The following KIAA2012 variants were observed in gnomAD, a reference collection of about 807,000 sequenced individuals.
KIAA2012 encodes KIAA2012.
Under a neutral mutation model 150.6 loss-of-function variants are expected in KIAA2012, and 125 were observed. The ratio of observed to expected loss-of-function variants is 0.83; its 90% CI spans 0.72 to 0.96. The LOEUF is 0.96. Among genes scored for constraint, KIAA2012 ranks in the 40% least tolerant of loss-of-function variants. KIAA2012 has a pLI of 0.00. For synonymous variants in KIAA2012, 462 were observed against 504.7 expected (o/e 0.92, Z 1.13); for missense variants, 1,219 against 1,354.9 (o/e 0.90, Z 1.57).
At chr2:202,179,824 T>TA (rs1692081144) in intron 15 of KIAA2012, 62 of 620,130 alleles carry the variant, frequency 1.0e-4, no homozygotes, top group South Asian at 7.9e-4. Flanking sequence ...TGAGAAAAGA[T>TA]AAAATGAAGA....
intron 11 of KIAA2012, among the ~76,000 whole-genome samples, chr2:202,121,595 C>T (rs1027333300): frequency 1.3e-5 from 2 of 152,104 alleles, no homozygotes; most frequent in Admixed American, 6.5e-5. Context: ...TCCCTTATCC[C>T]AACGATCCTA....
At chr2:202,087,658 T>C (rs1162096130) in intron 2 of KIAA2012, among the ~76,000 whole-genome samples, 1 of 152,024 alleles carries the variant, frequency 6.6e-6, no homozygotes, top group Non-Finnish European at 1.5e-5. Context: ...TCAAGCGCTA[T>C]CTTTTCCTTC....
chr2:202,097,409 A>G (rs1040088404), intron 4 of KIAA2012, 26 bp from the exon 5 acceptor site: 12 of 1,549,706 alleles, frequency 7.7e-6, no homozygotes, highest in Non-Finnish European at 7.8e-6. Context: ...CAGGGTGACA[A>G]GCTGACCCAT....
chr2:202,154,909 C>T, intron 14 of KIAA2012, 99 bp downstream of exon 14: 1 of 1,315,144 alleles, frequency 7.6e-7, no homozygotes, highest in Non-Finnish European at 1.0e-6. Flanking sequence ...TCAGAAGTCC[C>T]TCAGAGCTCC....
chr2:202,125,267 C>A lies in KIAA2012; in HGVS notation c.1816C>A (p.Gln606Lys). The change falls in exon 12 of 24, where the codon CAG becomes AAG. Residue 606 changes from glutamine to lysine, a missense_variant. Transcript: ENST00000498697. ...ISHEEEGPSS[Q>K]HFLKANTEPR... is the part of the protein sequence containing the mutation. ...CCATGAAGAGGAAGGGCCTAGTAGT[C>A]AGCATTTCCTAAAAGGTAAGCTTTT... is the stretch of plus-strand genomic sequence containing the variant. The A allele has an allele frequency of 6.5e-7, 1 of 1,550,040 alleles. No homozygotes were observed.
At chr2:202,110,735 G>A (rs1690325549) in intron 10 of KIAA2012, among the ~76,000 whole-genome samples, 1 of 152,096 alleles carries the variant, frequency 6.6e-6, no homozygotes, top group African/African-American at 2.4e-5. Context: ...GCTCACTCAG[G>A]GACAGAATGC....
Position 202,125,069 on chromosome 2 carries a change from C to G in KIAA2012, c.1763-145C>G, listed in dbSNP as rs543802539. On this transcript the variant is annotated intron_variant, in intron 11 of 23. Transcript: ENST00000498697. The stretch of plus-strand genomic sequence containing the variant: ...TGGGCAGCAGAAAGAGACTCCATCT[C>G]AAAAATTTAAAAAAAAGAAACAGTT... The G allele has an allele frequency of 1.5e-4, 99 of 676,730 alleles. 2 individuals carry two copies. The South Asian group carries it at 1.9e-3, about 13-fold the overall frequency. 41.9% of individuals were successfully genotyped at this position (676,730 alleles called of 1,614,324 possible).
chr2:202,154,552 C>T (rs1171319851), intron 13 of KIAA2012, 121 bp from the exon 14 acceptor site: 9 of 842,284 alleles, frequency 1.1e-5, no homozygotes, highest in East Asian at 2.7e-5. Flanking sequence ...ATAGTTGCTG[C>T]GTATTATTGT....
At chr2:202,088,291 G>A (rs954670847) in intron 2 of KIAA2012, among the ~76,000 whole-genome samples, 15 of 152,188 alleles carry the variant, frequency 9.9e-5, no homozygotes, top group Non-Finnish European at 1.5e-4. Flanking sequence ...GGGAATAAGT[G>A]TTGGGCAGTT....
intron 5 of KIAA2012, among the ~76,000 whole-genome samples, chr2:202,098,480 T>C (rs747444848): frequency 6.6e-6 from 1 of 152,254 alleles, no homozygotes; most frequent in Non-Finnish European, 1.5e-5. Flanking sequence ...TTCTATAACA[T>C]AGTCACCAGC....
Position 202,194,779 on chromosome 2 carries a change from GTTTT to G in KIAA2012, c.3187+421_3187+424del, listed in dbSNP as rs541617865. Among the ~76,000 whole-genome samples the G allele has an allele frequency of 1.8e-3, 267 of 151,956 alleles. 2 individuals carry two copies. Among genetic ancestry groups the G allele is most frequent in the Non-Finnish European group, 1.9e-3 (129 of 67,960 alleles). On this transcript the variant is annotated intron_variant, in intron 21 of 23. Transcript: ENST00000498697. ...TTTTTGTTTGTTTGTTTTTGTTTTT[GTTTT>G]TTTGAGTCCGAGTCTCACACTATTG...
Position 202,106,413 on chromosome 2 carries a change from C to T in KIAA2012, c.1474+503C>T, listed in dbSNP as rs540992866. 7.6e-4 allele frequency among the ~76,000 whole-genome samples: 116 copies of T among 152,140 alleles called. 1 individual carries two copies. The highest frequency in any genetic ancestry group is 3.4e-3 in the Middle Eastern group (1 of 294). ...AAAAGTCCATAATATCGGCGGGGTG[C>T]GGTGGCTCATGCCTATAATCCCAGC... On this transcript the variant is annotated intron_variant, in intron 9 of 23. Transcript: ENST00000498697.
chr2:202,145,779 G>T (rs1305366051), intron 13 of KIAA2012, among the ~76,000 whole-genome samples: 1 of 149,992 alleles, frequency 6.7e-6, no homozygotes, highest in Non-Finnish European at 1.5e-5. Context: ...CTGCCTCCAG[G>T]ATTCAAGCGA....
chr2:202,118,850 G>A (rs1000776884), intron 11 of KIAA2012, among the ~76,000 whole-genome samples: 1 of 152,184 alleles, frequency 6.6e-6, no homozygotes, highest in Admixed American at 6.5e-5. Flanking sequence ...CACCAGTAGG[G>A]AGCTACTAAA....
intron 23 of KIAA2012, among the ~76,000 whole-genome samples, chr2:202,202,977 A>G (rs940970496): frequency 1.3e-5 from 2 of 151,526 alleles, no homozygotes; most frequent in Non-Finnish European, 2.9e-5. Context: ...AGTTAGTTCC[A>G]TTTCATCTGC....
intron 2 of KIAA2012, among the ~76,000 whole-genome samples, chr2:202,075,867 T>G (rs930490249): frequency 6.6e-6 from 1 of 152,272 alleles, no homozygotes; most frequent in Non-Finnish European, 1.5e-5. Flanking sequence ...TACTGACTTT[T>G]CATTCCCCAC....
chr2:202,168,847 G>A (rs1396254918), intron 15 of KIAA2012, among the ~76,000 whole-genome samples: 12 of 152,114 alleles, frequency 7.9e-5, no homozygotes, highest in Admixed American at 1.3e-4. Flanking sequence ...GGGTGGGGAC[G>A]AAAGGCAGGT....
intron 2 of KIAA2012, among the ~76,000 whole-genome samples, chr2:202,083,963 G>A (rs1031968178): frequency 6.6e-6 from 1 of 152,182 alleles, no homozygotes; most frequent in African/African-American, 2.4e-5. Flanking sequence ...TTTGAGCTGA[G>A]TCTTGTAAAG....
chr2:202,198,174 CAA>C (rs1009971980), intron 22 of KIAA2012, among the ~76,000 whole-genome samples: 6 of 67,136 alleles, frequency 8.9e-5, no homozygotes, highest in South Asian at 6.6e-4. Context: ...GGCTCTTTCT[CAA>C]AAAAAAAAAA....
Sources: allele counts gnomAD v4.1 joint callset (sites outside exome capture counted in the v4.1 genomes callset), GRCh38; gene constraint gnomAD v4.1.1; transcripts MANE v1.5; gene names NCBI Gene and HGNC (gene_info 2026-07-23, HGNC 2026-07-21).